DOC2B: variants seen among roughly 807,000 people sequenced by gnomAD.
DOC2B encodes double C2 domain beta, also known as double C2-like domain-containing protein beta.
DOC2B carries 21 observed loss-of-function variants against 28.9 expected under a neutral mutation model. The observed-to-expected ratio is 0.73, with a 90% confidence interval of 0.52 to 1.05. DOC2B has a LOEUF of 1.05. Among genes scored for constraint, DOC2B ranks in the 50% least tolerant of loss-of-function variants. The pLI is 0.00. For missense variants in DOC2B, 384 were observed against 421.1 expected (o/e 0.91, Z 0.77); for synonymous variants, 194 against 178.1 (o/e 1.09, Z -0.71).
chr17:181,502 G>A lies in DOC2B; in HGVS notation c.-23C>T, dbSNP rs1222668372. The A allele has an allele frequency of 4.0e-6, 4 of 1,006,162 alleles. No homozygotes were observed. Among genetic ancestry groups the A allele is most frequent in the Non-Finnish European group, 3.5e-6 (3 of 845,930 alleles). The allele number at this position is 1,006,162 out of a possible 1,614,324, so 62.3% of individuals were successfully genotyped here. A position where few individuals can be genotyped will look rare whatever the true frequency, so the allele number is the denominator to read the frequency against. ...CATGCAGGCAGCGCCGCCCCGCCCCGGGCGCGGCCCGGCCCGGCGCGACCC... is the reference window on the plus strand; with the variant it reads ...CATGCAGGCAGCGCCGCCCCGCCCCAGGCGCGGCCCGGCCCGGCGCGACCC... On this transcript the variant is annotated 5_prime_UTR_variant, in exon 1 of 9. Coordinates refer to ENST00000613549, the MANE Select transcript of DOC2B (RefSeq NM_003585.5). The surrounding 1 kb of genome is among the most constrained non-coding windows in gnomAD (Gnocchi z 7.0).
chr17:161,799 G>A (rs2040207586), intron 4 of DOC2B, among the ~76,000 whole-genome samples: 1 of 152,196 alleles, frequency 6.6e-6, no homozygotes, highest in South Asian at 2.1e-4. Context: ...GTAGCCAGGA[G>A]GCTGGGAGAG....
rs2039996948 is a variant in DOC2B, at chr17:143,323, C to G, written c.*4118G>C. The G allele has an allele frequency of 7.4e-6, 1 of 134,998 alleles. No homozygotes were observed. The highest frequency in any genetic ancestry group is 2.4e-4 in the South Asian group (1 of 4,160). The allele number at this position is 134,998 out of a possible 1,614,324, so 8.4% of individuals were successfully genotyped here. A position where few individuals can be genotyped will look rare whatever the true frequency, so the allele number is the denominator to read the frequency against. ...CCGTCTTTCCACCCTCCCCTCCTAC[C>G]CTTCCAAATCTTTTTTTTTTTTTTT... On this transcript the variant is annotated 3_prime_UTR_variant, in exon 9 of 9. Coordinates refer to ENST00000613549, the MANE Select transcript of DOC2B (RefSeq NM_003585.5).
intron 1 of DOC2B, among the ~76,000 whole-genome samples, chr17:178,058 G>C (rs1239025195): frequency 2.0e-5 from 3 of 152,188 alleles, no homozygotes; most frequent in Non-Finnish European, 4.4e-5. Flanking sequence ...AAAGGAATCG[G>C]TCCTTACCAA....
chr17:181,013 G>T lies in DOC2B; in HGVS notation c.373+94C>A, dbSNP rs2040434882. 1.9e-6 allele frequency: 2 copies of T among 1,076,220 alleles called. No individual in the cohort carries two copies. The highest frequency in any genetic ancestry group is 9.2e-5 in the South Asian group (2 of 21,806). 66.7% of individuals were successfully genotyped at this position (1,076,220 alleles called of 1,614,324 possible). On this transcript the variant is annotated intron_variant, in intron 1 of 8. Transcript: ENST00000613549. The surrounding 1 kb of genome is among the most constrained non-coding windows in gnomAD (Gnocchi z 7.0). ...GTGAACCGAGGCAGAGCGCGAGCGC[G>T]CGAGGGGGACCGGCGGAGGGAAGCC...
chr17:181,075 G>T lies in DOC2B; in HGVS notation c.373+32C>A. 1.6e-6 allele frequency: 2 copies of T among 1,231,520 alleles called. No homozygotes were observed. Among genetic ancestry groups the T allele is most frequent in the South Asian group, 6.5e-5 (2 of 30,666 alleles). 76.3% of individuals were successfully genotyped at this position (1,231,520 alleles called of 1,614,324 possible). On this transcript the variant is annotated intron_variant, in intron 1 of 8. Transcript: ENST00000613549. This position sits in a 1 kb window ranked among gnomAD's most constrained non-coding sequence, Gnocchi z 7.0. ...GGGGGGCCGAGCCCGAGCCAGGGGA[G>T]GGGGCGCGAAGTCGGCGCGTGGGAA...
At position 145,053 on chromosome 17, in the gene DOC2B, C is replaced by T. The variant is rs1467178935; in HGVS notation, c.*2388G>A. ...CTTACCTTAGGCCCCCAGAGGGTGC[C>T]CATTCTGTGTGGAGAAAAGAGGAGC... is the stretch of plus-strand genomic sequence containing the variant. On this transcript the variant is annotated 3_prime_UTR_variant, in exon 9 of 9. Coordinates refer to ENST00000613549, the MANE Select transcript of DOC2B (RefSeq NM_003585.5). The T allele has an allele frequency of 6.6e-6, 1 of 152,142 alleles. No individual in the cohort carries two copies. Among genetic ancestry groups the T allele is most frequent in the African/African-American group, 2.4e-5 (1 of 41,408 alleles). 9.4% of individuals were successfully genotyped at this position (152,142 alleles called of 1,614,324 possible).
rs148329642 is a variant in DOC2B, at chr17:163,228, G to A, written c.528+902C>T. ...TGAGCACACTTCCCTGGTCATACTC[G>A]CCCTCGGCCCTCATATCCCTGAGCC... On this transcript the variant is annotated intron_variant, in intron 3 of 8. Coordinates refer to ENST00000613549, the MANE Select transcript of DOC2B (RefSeq NM_003585.5). Among the ~76,000 whole-genome samples, 168 of 152,232 alleles carry A rather than the reference G, an allele frequency of 1.1e-3. 2 individuals carry two copies. Among genetic ancestry groups the A allele is most frequent in the African/African-American group, 3.7e-3 (152 of 41,536 alleles).
intron 3 of DOC2B, 43 bp from the exon 4 acceptor site, chr17:162,233 T>C: frequency 6.9e-7 from 1 of 1,444,306 alleles, no homozygotes; most frequent in Non-Finnish European, 9.5e-7. Context: ...AAAGTGTGTA[T>C]CAAACAGAAC....
At chr17:173,559 C>T (rs1351884568) in intron 1 of DOC2B, among the ~76,000 whole-genome samples, 1 of 152,210 alleles carries the variant, frequency 6.6e-6, no homozygotes, top group Non-Finnish European at 1.5e-5. Flanking sequence ...GGCAGAGTCC[C>T]TATCCCAAGG....
intron 1 of DOC2B, among the ~76,000 whole-genome samples, chr17:180,703 G>T (rs1400043450): frequency 6.6e-6 from 1 of 151,850 alleles, no homozygotes; most frequent in Non-Finnish European, 1.5e-5. Context: ...GGCGAGCGGG[G>T]AGCGACCGCG....
At chr17:164,557 C>T (rs756916030) in intron 2 of DOC2B, among the ~76,000 whole-genome samples, 9 of 152,182 alleles carry the variant, frequency 5.9e-5, no homozygotes, top group African/African-American at 1.9e-4. Context: ...TCCCATCTAC[C>T]AAGCGTGGCC....
intron 3 of DOC2B, among the ~76,000 whole-genome samples, 182 bp downstream of exon 3, chr17:163,948 T>C (rs945783942): frequency 2.6e-5 from 4 of 152,210 alleles, no homozygotes; most frequent in African/African-American, 7.2e-5. Flanking sequence ...GACTGGGTGC[T>C]CTGTGTGCAG....
chr17:163,638 G>A (rs1409013984), intron 3 of DOC2B: 1 of 154,534 alleles, frequency 6.5e-6, no homozygotes, highest in African/African-American at 2.4e-5. Context: ...CGGACGCTTG[G>A]GTCATCCGGC....
intron 2 of DOC2B, among the ~76,000 whole-genome samples, chr17:170,103 T>G (rs112703993): frequency 0.086 from 13,144 of 152,118 alleles, 703 homozygotes; most frequent in Non-Finnish European, 0.11. Context: ...ACCTCTCCAG[T>G]CCCCAGGCCT....
In DOC2B at chr17:162,082, G is replaced by A. The variant is rs763263140; in HGVS notation, c.637C>T (p.Arg213Trp). ...AGGCGGCCTGGGACCCTCACCCACC[G>A]CAGGGTCTTGCGGATCATGTCTTCA... Reference protein sequence around the residue: ...TDEDMIRKTLRISVCDEDKFR... With the variant: ...TDEDMIRKTLWISVCDEDKFR... The change falls in exon 4 of 9, where the codon CGG becomes TGG. Residue 213 changes from arginine to tryptophan, a missense_variant and splice_region_variant. Physicochemically the swap from Arg to Trp is moderately radical, Grantham distance 101. Transcript: ENST00000613549. 4.3e-5 allele frequency: 66 copies of A among 1,548,610 alleles called. No homozygotes were observed. Among genetic ancestry groups the A allele is most frequent in the East Asian group, 2.2e-4 (9 of 40,918 alleles).
chr17:178,285 AC>A lies in DOC2B; in HGVS notation c.373+2821del, dbSNP rs1043817930. On this transcript the variant is annotated intron_variant, in intron 1 of 8. Transcript: ENST00000613549. ...AACGCACAGCCACGAGCAAAGATGG[AC>A]AGAACCATCACCCCAACAGTGCTGA... 1.2e-3 allele frequency among the ~76,000 whole-genome samples: 189 copies of A among 152,352 alleles called. 1 individual carries two copies. The highest frequency in any genetic ancestry group is 4.3e-3 in the African/African-American group (177 of 41,572).
chr17:181,239 C>G lies in DOC2B; in HGVS notation c.241G>C (p.Glu81Gln), dbSNP rs1055962026. The G allele has an allele frequency of 1.6e-6, 2 of 1,215,698 alleles. No homozygotes were observed. Among genetic ancestry groups the G allele is most frequent in the African/African-American group, 3.2e-5 (2 of 63,454 alleles). 75.3% of individuals were successfully genotyped at this position (1,215,698 alleles called of 1,614,324 possible). Reference sequence around the variant, plus strand: ...GCTCCGAAGAGCTGGTCCACATCCTCGTCGTCCTCGCGGGCGCCGTCGGAG... The same window carrying G: ...GCTCCGAAGAGCTGGTCCACATCCTGGTCGTCCTCGCGGGCGCCGTCGGAG... The part of the protein sequence containing the change: ...SPSDGAREDD[E>Q]DVDQLFGAYG... Residue 81 changes from glutamate to glutamine, a missense_variant, in exon 1 of 9, where the codon GAG becomes CAG. By Grantham distance (29) the Glu-to-Gln change is conservative. Coordinates refer to ENST00000613549, the MANE Select transcript of DOC2B (RefSeq NM_003585.5). The surrounding 1 kb of genome is among the most constrained non-coding windows in gnomAD (Gnocchi z 7.0).
Position 164,193 on chromosome 17 carries a change from T to C in DOC2B, c.465A>G (p.Pro155=), listed in dbSNP as rs2040236076. The change falls in exon 3 of 9, where the codon CCA becomes CCG. Residue 155 remains proline (P), a synonymous_variant. Coordinates refer to ENST00000613549, the MANE Select transcript of DOC2B (RefSeq NM_003585.5). ...GGTCTGCCAGCCCATTGTGGTCCAT[T>C]GGCTTCAGGCCCTGGGCAGAGAAGA... ...CTITKAKGLK[P]MDHNGLADPY... 1.3e-6 allele frequency: 2 copies of C among 1,552,994 alleles called. No homozygotes were observed. Among genetic ancestry groups the C allele is most frequent in the Non-Finnish European group, 8.7e-7 (1 of 1,147,538 alleles).
chr17:173,111 T>C (rs1382734252), intron 1 of DOC2B, among the ~76,000 whole-genome samples: 2 of 152,152 alleles, frequency 1.3e-5, no homozygotes, highest in Non-Finnish European at 2.9e-5. Flanking sequence ...CTCCTCTGTC[T>C]CTCTGGCCCG....
Sources: allele counts gnomAD v4.1 joint callset (sites outside exome capture counted in the v4.1 genomes callset), GRCh38; gene constraint gnomAD v4.1.1; non-coding constraint Gnocchi (gnomAD v3.1); transcripts MANE v1.5; gene names NCBI Gene and HGNC (gene_info 2026-07-23, HGNC 2026-07-21).